The following ZNF577 variants were observed in gnomAD, a reference collection of about 807,000 sequenced individuals.
The protein encoded by ZNF577 is zinc finger protein 577.
ZNF577 carries 14 observed loss-of-function variants against 13.9 expected under a neutral mutation model. The observed-to-expected ratio is 1.00, with a 90% confidence interval of 0.66 to 1.57. The LOEUF is 1.57. Ranked by LOEUF, ZNF577 falls within the 40% of genes most tolerant of loss-of-function variation. The probability of loss-of-function intolerance (pLI) is 0.00; values close to 1 mark genes in which losing one functional copy is unlikely to be tolerated. For missense variants in ZNF577, 555 were observed against 579.2 expected (o/e 0.96, Z 0.43); for synonymous variants, 203 against 202.9 (o/e 1.00, Z 0.00).
chr19:51,886,155 T>C (rs1171357365), intron 1 of ZNF577: 1 of 152,144 alleles, frequency 6.6e-6, no homozygotes, highest in Non-Finnish European at 1.5e-5. Context: ...TCTGGGATGC[T>C]ACATTATTCT....
chr19:51,887,863 C>A lies in ZNF577; in HGVS notation c.-1261G>T, dbSNP rs1002104517. The A allele has an allele frequency of 6.6e-6, 1 of 152,242 alleles. No homozygotes were observed. Among genetic ancestry groups the A allele is most frequent in the East Asian group, 1.9e-4 (1 of 5,196 alleles). 9.4% of individuals were successfully genotyped at this position (152,242 alleles called of 1,614,324 possible). A position where few individuals can be genotyped will look rare whatever the true frequency, so the allele number is the denominator to read the frequency against. On this transcript the variant is annotated 5_prime_UTR_variant, in exon 1 of 6. Coordinates refer to ENST00000638348, the MANE Select transcript of ZNF577 (RefSeq NM_001370449.1). ...GATGACCTGTCTCCACTGCTGGAGG[C>A]GAGTCAGGGACCCGAAGTCTCTAAA...
intron 1 of ZNF577, among the ~76,000 whole-genome samples, chr19:51,882,746 C>T (rs937059090): frequency 1.3e-5 from 2 of 152,042 alleles, no homozygotes; most frequent in African/African-American, 4.8e-5. Flanking sequence ...GACCGCATCA[C>T]TGCACCCCAA....
intron 9 of ZNF577, among the ~76,000 whole-genome samples, chr19:51,815,009 C>T (rs1200486258): frequency 2.0e-5 from 3 of 151,950 alleles, no homozygotes; most frequent in Non-Finnish European, 2.9e-5. Flanking sequence ...GGGGTTTCAC[C>T]TTGTTGCCCA....
intron 5 of ZNF577, among the ~76,000 whole-genome samples, chr19:51,854,544 T>C (rs1435873386): frequency 6.7e-6 from 1 of 148,348 alleles, no homozygotes; most frequent in Non-Finnish European, 1.5e-5. Context: ...ATGTTGCCCA[T>C]GCTTCTCCTG....
rs186874723 is a variant in ZNF577 at position 51,869,651 on chromosome 19, C to A, written c.*2881G>T. Among the ~76,000 whole-genome samples the A allele has an allele frequency of 0.066, 9,991 of 152,080 alleles. 461 individuals carry two copies. Among genetic ancestry groups the A allele is most frequent in the Non-Finnish European group, 0.099 (6,701 of 68,000 alleles). The stretch of plus-strand genomic sequence containing the variant: ...CTTATTTCTTTTCTCAGTCTCTCGT[C>A]CCCCCTGACGAGAAACACCCACAGG... On this transcript the variant is annotated 3_prime_UTR_variant, in exon 6 of 6. Coordinates refer to ENST00000638348, the MANE Select transcript of ZNF577 (RefSeq NM_001370449.1).
rs552390533 is a variant in ZNF577 at position 51,870,497 on chromosome 19, C to T, written c.*2035G>A. On this transcript the variant is annotated 3_prime_UTR_variant, in exon 6 of 6. Transcript: ENST00000638348. The stretch of plus-strand genomic sequence containing the variant: ...GAGGCAATACTCCTTACTTAAGGTC[C>T]ACTGTGATTCTCCAAATGTTAGGAG... Among the ~76,000 whole-genome samples, 11 of 152,254 alleles carry T rather than the reference C, an allele frequency of 7.2e-5. No individual in the cohort carries two copies. The highest frequency in any genetic ancestry group is 4.1e-4 in the South Asian group (2 of 4,824).
chr19:51,863,361 C>A (rs1161633053), downstream of ZNF577: 2 of 152,188 alleles, frequency 1.3e-5, no homozygotes, highest in Admixed American at 6.5e-5. Flanking sequence ...AAAAAGGCTT[C>A]TTTTCCCATT....
At chr19:51,823,712 G>C (rs753706002) in intron 9 of ZNF577, 31 of 1,509,110 alleles carry the variant, frequency 2.1e-5, no homozygotes, top group Non-Finnish European at 2.7e-6. Context: ...TCACAGCTGA[G>C]AAATGGCCAT....
downstream of ZNF577, among the ~76,000 whole-genome samples, chr19:51,863,804 A>G (rs1263487260): frequency 6.6e-6 from 1 of 152,232 alleles, no homozygotes; most frequent in Non-Finnish European, 1.5e-5. Flanking sequence ...TATTCACCCA[A>G]TGCCATTCTG....
At chr19:51,832,865 T>C (rs2084267544) in intron 9 of ZNF577, among the ~76,000 whole-genome samples, 1 of 151,914 alleles carries the variant, frequency 6.6e-6, no homozygotes. Context: ...ATTTCCGGAC[T>C]CTATTGTGTT....
chr19:51,877,440 G>A, intron 4 of ZNF577, 63 bp from the exon 5 acceptor site: 2 of 1,356,314 alleles, frequency 1.5e-6, no homozygotes, highest in Non-Finnish European at 2.1e-6. Flanking sequence ...AAGATGGAGA[G>A]GGTTATGTCT....
intron 5 of ZNF577, among the ~76,000 whole-genome samples, chr19:51,874,709 A>T (rs1264866458): frequency 2.6e-5 from 4 of 152,200 alleles, no homozygotes; most frequent in African/African-American, 9.7e-5. Context: ...CCAAAACATG[A>T]CTGTCCTATG....
intron 5 of ZNF577, among the ~76,000 whole-genome samples, chr19:51,856,801 G>A (rs7256425): frequency 0.01 from 1,582 of 152,258 alleles, 28 homozygotes; most frequent in African/African-American, 0.037. Context: ...GTAGTATATT[G>A]CAGCCAGAGG....
chr19:51,858,070 G>C (rs2084456857), intron 5 of ZNF577, among the ~76,000 whole-genome samples: 1 of 152,158 alleles, frequency 6.6e-6, no homozygotes, highest in Non-Finnish European at 1.5e-5. Flanking sequence ...GCACAGGAAA[G>C]GCTCCCACCC....
rs2084700980 is a variant in ZNF577 at position 51,873,484 on chromosome 19, C to T, written c.506G>A (p.Arg169Lys). 1.2e-6 allele frequency: 2 copies of T among 1,614,142 alleles called. No homozygotes were observed. Among genetic ancestry groups the T allele is most frequent in the African/African-American group, 2.7e-5 (2 of 75,028 alleles). The change falls in exon 6 of 6, where the codon AGG (arginine) becomes AAG (lysine). Residue 169 changes from arginine to lysine, a missense_variant. Transcript: ENST00000638348. ...ECSVCGRAFS[R>K]KAQLIQHQRT... ...CTGATGTTGAATAAGCTGTGCTTTC[C>T]TGGAGAAGGCTCTCCCGCACACACT...
chr19:51,880,402 C>T lies in ZNF577; in HGVS notation c.-19-1G>A. 6.2e-7 allele frequency: 1 copy of T among 1,613,256 alleles called. No individual in the cohort carries two copies. Among genetic ancestry groups the T allele is most frequent in the East Asian group, 2.2e-5 (1 of 44,844 alleles). On this transcript the variant is annotated splice_acceptor_variant, in intron 2 of 5. Coordinates refer to ENST00000638348, the MANE Select transcript of ZNF577 (RefSeq NM_001370449.1). LOFTEE classifies it low-confidence loss of function (5UTR_SPLICE). ...TTTCATGTGTTTCCTGTTATTTCAG[C>T]TGCCAAAAAAAAGGAGACACAGTTT...
intron 5 of ZNF577, among the ~76,000 whole-genome samples, chr19:51,848,372 C>T (rs1375857221): frequency 2.0e-5 from 3 of 152,134 alleles, no homozygotes; most frequent in Non-Finnish European, 4.4e-5. Context: ...AGCTAAGACG[C>T]GGAAGACGCT....
intron 10 of ZNF577, among the ~76,000 whole-genome samples, chr19:51,808,826 T>C (rs768844783): frequency 6.6e-6 from 1 of 152,188 alleles, no homozygotes; most frequent in Non-Finnish European, 1.5e-5. Flanking sequence ...AAACAAACAC[T>C]GGAGAATTCC....
At chr19:51,860,910 T>C (rs776845914) in intron 5 of ZNF577, 5 of 408,240 alleles carry the variant, frequency 1.2e-5, no homozygotes, top group South Asian at 3.6e-5. Context: ...TTACCTGCAA[T>C]GAGGTGTGAT....
Sources: gnomAD v4.1 joint callset for allele counts (sites outside exome capture counted in the v4.1 genomes callset) on GRCh38, gnomAD v4.1.1 for gene constraint, MANE v1.5 for transcripts, NCBI Gene and HGNC (gene_info 2026-07-23, HGNC 2026-07-21) for gene names.